Variants in ME3 observed in about 807,000 individuals in gnomAD.
The protein encoded by ME3 is malic enzyme 3.
In ME3, 48 loss-of-function variants were observed where a neutral mutation model predicts 68.9. That is an observed-to-expected ratio of 0.70 (90% CI 0.55 to 0.89). ME3 has a LOEUF of 0.89. ME3 is among the 40% of genes least tolerant of loss of function. The pLI, the probability that ME3 is intolerant of heterozygous loss-of-function variation, is 0.00. For missense variants in ME3, 675 were observed against 797.4 expected (o/e 0.85, Z 1.85); for synonymous variants, 320 against 318.8 (o/e 1.00, Z -0.04).
chr11:86,480,433 T>C (rs1393858507), intron 7 of ME3, among the ~76,000 whole-genome samples: 1 of 152,236 alleles, frequency 6.6e-6, no homozygotes, highest in Non-Finnish European at 1.5e-5. Context: ...TATGATTTTG[T>C]GTACTTTCAC....
At chr11:86,436,924 A>G (rs1948900466), downstream of ME3, 1 of 152,188 alleles carries the variant, frequency 6.6e-6, no homozygotes, top group Non-Finnish European at 1.5e-5. Flanking sequence ...ATGACCACAC[A>G]GTCCTTTTTT....
intron 12 of ME3, chr11:86,446,803 T>C: frequency 1.7e-6 from 1 of 595,908 alleles, no homozygotes. Flanking sequence ...AGGTTTTGGG[T>C]GCTGGTCAAA....
At chr11:86,603,826 T>G (rs1429831996) in intron 2 of ME3, among the ~76,000 whole-genome samples, 1 of 151,528 alleles carries the variant, frequency 6.6e-6, no homozygotes, top group Non-Finnish European at 1.5e-5. Flanking sequence ...ATCATCATTC[T>G]CAGTAAACTA....
At chr11:86,559,700 C>T (rs1385241032) in exon 3 of ME3, 1 of 1,613,438 alleles carries the variant, frequency 6.2e-7, no homozygotes, top group Non-Finnish European at 8.5e-7. Context: ...TTGTCCAGGT[C>T]ACTCTGCTGC....
At chr11:86,520,860 G>A (rs923089443) in intron 4 of ME3, among the ~76,000 whole-genome samples, 1 of 152,208 alleles carries the variant, frequency 6.6e-6, no homozygotes, top group African/African-American at 2.4e-5. Flanking sequence ...CTAACTATGT[G>A]AGTTTGGGAA....
intron 2 of ME3, among the ~76,000 whole-genome samples, chr11:86,653,529 G>T (rs1594794355): frequency 6.6e-6 from 1 of 152,168 alleles, no homozygotes; most frequent in Non-Finnish European, 1.5e-5. Flanking sequence ...CAGAAATAAA[G>T]ATGTTCTTTG....
At chr11:86,637,349 C>CAAAAAAAAAA (rs11402713) in intron 2 of ME3, among the ~76,000 whole-genome samples, 1 of 122,078 alleles carries the variant, frequency 8.2e-6, no homozygotes, top group African/African-American at 3.1e-5. Context: ...ACAAGAAGCA[C>CAAAAAAAAAA]AAAAAAAAAA....
chr11:86,581,282 A>G (rs1958431018), intron 2 of ME3, among the ~76,000 whole-genome samples: 1 of 152,172 alleles, frequency 6.6e-6, no homozygotes, highest in Non-Finnish European at 1.5e-5. Flanking sequence ...CTTGTGGTAT[A>G]AAGTGTACTT....
At chr11:86,590,701 G>A (rs1959004190) in intron 2 of ME3, among the ~76,000 whole-genome samples, 1 of 152,182 alleles carries the variant, frequency 6.6e-6, no homozygotes, top group Non-Finnish European at 1.5e-5. Context: ...GGTCCTGAAA[G>A]CTTTGTTAAT....
intron 7 of ME3, among the ~76,000 whole-genome samples, chr11:86,477,388 G>T (rs768959663): frequency 2.6e-5 from 4 of 152,288 alleles, no homozygotes; most frequent in Admixed American, 6.5e-5. Context: ...TACAGTTGTT[G>T]TGAGAATTAG....
At chr11:86,636,473 G>A (rs1944342768) in intron 2 of ME3, among the ~76,000 whole-genome samples, 1 of 152,102 alleles carries the variant, frequency 6.6e-6, no homozygotes, top group South Asian at 2.1e-4. Flanking sequence ...AACCAACACT[G>A]GTTCAGGAGA....
At chr11:86,516,943 G>A (rs1428539643) in intron 4 of ME3, among the ~76,000 whole-genome samples, 2 of 152,150 alleles carry the variant, frequency 1.3e-5, no homozygotes, top group Admixed American at 6.5e-5. Context: ...TTTGGGTTAA[G>A]TAGGCAGAGA....
rs755257997 is a variant in ME3, at chr11:86,671,768, G to A, written c.177C>T (p.Leu59=). 4 of 1,604,026 alleles carry A rather than the reference G, an allele frequency of 2.5e-6. No homozygotes were observed. The South Asian group carries it at 4.5e-5, about 18-fold the overall frequency. Residue 59 remains leucine (L), a synonymous_variant, in exon 2 of 15, where the codon CTC becomes CTT. Coordinates refer to ENST00000543262, the Ensembl canonical transcript of ME3. ...CTGCCCTCTGGCCCATTACCTTGTT[G>A]AGATGAGGGTTCCTGGTGACATCGT...
chr11:86,461,857 G>A (rs1053397728), intron 8 of ME3, among the ~76,000 whole-genome samples: 1 of 152,200 alleles, frequency 6.6e-6, no homozygotes, highest in East Asian at 1.9e-4. Context: ...TGCCATTCCA[G>A]CACTATTTGC....
intron 2 of ME3, among the ~76,000 whole-genome samples, chr11:86,586,356 C>T (rs73524030): frequency 6.7e-4 from 102 of 152,140 alleles, no homozygotes; most frequent in African/African-American, 2.4e-3. Context: ...TGGTGGGGTC[C>T]GAGGGGACAG....
chr11:86,463,667 A>G (rs1244480671), intron 8 of ME3, among the ~76,000 whole-genome samples: 1 of 152,302 alleles, frequency 6.6e-6, no homozygotes, highest in East Asian at 1.9e-4. Flanking sequence ...ATTTTAAACT[A>G]AATTTTCTAA....
chr11:86,623,515 C>CCCT (rs57615584), intron 2 of ME3, among the ~76,000 whole-genome samples: 58,228 of 151,744 alleles, frequency 0.38, 11,768 homozygotes, highest in East Asian at 0.7. Flanking sequence ...CTTTGGAGAA[C>CCCT]GCTAACATGA....
intron 7 of ME3, among the ~76,000 whole-genome samples, chr11:86,482,254 C>G (rs1951456634): frequency 6.6e-6 from 1 of 152,142 alleles, no homozygotes; most frequent in Admixed American, 6.5e-5. Flanking sequence ...CTCAGGTTAT[C>G]TAAACTTCAA....
chr11:86,509,598 A>C (rs1334147651), intron 4 of ME3, among the ~76,000 whole-genome samples: 1 of 152,226 alleles, frequency 6.6e-6, no homozygotes, highest in African/African-American at 2.4e-5. Flanking sequence ...AAGTCTTAAT[A>C]GCTTGAGGTA....
Sources: allele counts gnomAD v4.1 joint callset (sites outside exome capture counted in the v4.1 genomes callset), GRCh38; gene constraint gnomAD v4.1.1; transcripts MANE v1.5; gene names NCBI Gene and HGNC (gene_info 2026-07-23, HGNC 2026-07-21).